Variants in CLCN5 observed in about 807,000 individuals in gnomAD.
CLCN5 encodes the protein Cl-/H+ antiporter 5, also known as H(+)/Cl(-) exchange transporter 5.
CLCN5 carries 17 observed loss-of-function variants against 54.0 expected under a neutral mutation model. That is an observed-to-expected ratio of 0.31 (90% confidence interval 0.22 to 0.47). The LOEUF (loss-of-function observed/expected upper bound fraction) is 0.47. Ranked by LOEUF, CLCN5 falls within the 20% of genes least tolerant of loss-of-function variation. CLCN5 has a pLI of 1.00. For synonymous variants in CLCN5, 222 were observed against 233.0 expected, an observed-to-expected ratio of 0.95 and a Z score of 0.43; for missense variants, 448 against 646.7, an observed-to-expected ratio of 0.69 and a Z score of 3.33.
chrX:49,987,513 A>C (rs1433158824), intron 3 of CLCN5, among the ~76,000 whole-genome samples: 1 of 112,013 alleles, frequency 8.9e-6, no homozygotes, highest in Non-Finnish European at 1.9e-5. Flanking sequence ...ACTGCTTATT[A>C]AATCCCTAAG....
At chrX:49,961,042 G>A (rs782615735) in intron 3 of CLCN5, among the ~76,000 whole-genome samples, 1 of 111,642 alleles carries the variant, frequency 9.0e-6, no homozygotes, top group African/African-American at 3.3e-5. Flanking sequence ...CCCAAGACAC[G>A]CAAAACAGAG....
At chrX:50,005,668 G>T (rs1557181314) in intron 3 of CLCN5, among the ~76,000 whole-genome samples, 1 of 111,790 alleles carries the variant, frequency 8.9e-6, no homozygotes, top group African/African-American at 3.3e-5. Flanking sequence ...CTTCAGTGAA[G>T]CTCCAGTGCC....
chrX:50,085,717 CG>C (rs1425252643), intron 9 of CLCN5: 37 of 379,092 alleles, frequency 9.8e-5, no homozygotes, highest in Admixed American at 3.0e-4. Context: ...GAGATAAGGG[CG>C]GGGGGGCGGT....
intron 4 of CLCN5, among the ~76,000 whole-genome samples, chrX:50,053,310 G>C (rs1932648710): frequency 9.0e-6 from 1 of 111,552 alleles, no homozygotes; most frequent in African/African-American, 3.3e-5. Flanking sequence ...TCACCTGTTA[G>C]TAAATTTGTG....
At position 50,093,871 on chromosome X, in the gene CLCN5, C is replaced by T. The variant is rs1398182415; in HGVS notation, c.*1652C>T. On this transcript the variant is annotated 3_prime_UTR_variant, in exon 15 of 15. Coordinates refer to ENST00000376091, the MANE Select transcript of CLCN5 (RefSeq NM_001127898.4). Reference sequence around the variant, plus strand: ...TTTCCTTTGCCATGTGGCCCAGTTGCTGCTGCCATGCCTCCATTTCCACAC... The same window carrying T: ...TTTCCTTTGCCATGTGGCCCAGTTGTTGCTGCCATGCCTCCATTTCCACAC... The T allele has an allele frequency of 1.8e-5, 2 of 112,066 alleles. No individual in the cohort carries two copies. The highest frequency in any genetic ancestry group is 1.9e-4 in the Admixed American group (2 of 10,586). The allele number at this position is 112,066 out of a possible 1,213,427, so 9.2% of individuals were successfully genotyped here. A position where few individuals can be genotyped will look rare whatever the true frequency, so the allele number is the denominator to read the frequency against.
chrX:49,922,976 C>T (rs949138024), intron 1 of CLCN5, among the ~76,000 whole-genome samples, 184 bp downstream of exon 1: 2 of 113,063 alleles, frequency 1.8e-5, no homozygotes, highest in African/African-American at 3.2e-5. Context: ...AGGAGGTAGA[C>T]AGGCTAGTTC....
intron 3 of CLCN5, among the ~76,000 whole-genome samples, chrX:49,957,534 C>T (rs1414744887): frequency 8.9e-6 from 1 of 111,814 alleles, no homozygotes; most frequent in Non-Finnish European, 1.9e-5. Context: ...CCTTTATCTC[C>T]ATTACCTTTC....
intron 3 of CLCN5, among the ~76,000 whole-genome samples, chrX:49,935,899 G>T: frequency 9.0e-6 from 1 of 110,984 alleles, no homozygotes; most frequent in South Asian, 3.9e-4. Flanking sequence ...TAACATGAAG[G>T]CCTTGGAGAT....
At chrX:49,927,476 A>G (rs1925406392) in intron 3 of CLCN5, among the ~76,000 whole-genome samples, 1 of 111,973 alleles carries the variant, frequency 8.9e-6, no homozygotes. Context: ...AGTAACCAGC[A>G]AAGTACGATG....
At chrX:49,973,499 C>T (rs1557176543) in intron 3 of CLCN5, among the ~76,000 whole-genome samples, 1 of 106,838 alleles carries the variant, frequency 9.4e-6, no homozygotes, top group African/African-American at 3.5e-5. Context: ...TAATGCTATC[C>T]CTCCCCACTC....
intron 12 of CLCN5, 108 bp from the exon 13 acceptor site, chrX:50,090,008 A>G (rs1934032372): frequency 1.3e-6 from 1 of 778,253 alleles, no homozygotes; most frequent in African/African-American, 2.0e-5. Context: ...GCACAGTTGT[A>G]GGTGAGACCT....
intron 5 of CLCN5, 92 bp downstream of exon 5, chrX:50,070,122 C>T (rs1437227403): frequency 1.4e-5 from 12 of 859,848 alleles, no homozygotes; most frequent in Non-Finnish European, 2.0e-5. Context: ...CTTTCTTCAG[C>T]CCTGGATGTG....
chrX:50,019,468 C>CTTTTTT (rs1175073117), intron 3 of CLCN5, among the ~76,000 whole-genome samples: 73 of 47,673 alleles, frequency 1.5e-3, no homozygotes, highest in Non-Finnish European at 1.7e-3. Flanking sequence ...TTTTTTTTTT[C>CTTTTTT]TTTTTTTTTT....
intron 3 of CLCN5, among the ~76,000 whole-genome samples, chrX:50,011,324 G>A (rs1278843504): frequency 8.9e-6 from 1 of 112,201 alleles, no homozygotes; most frequent in Non-Finnish European, 1.9e-5. Flanking sequence ...ATATAGCAGG[G>A]ATCAAAATGG....
intron 3 of CLCN5, among the ~76,000 whole-genome samples, chrX:50,033,443 T>C (rs1354413717): frequency 9.0e-6 from 1 of 111,351 alleles, no homozygotes; most frequent in African/African-American, 3.3e-5. Context: ...ATAAAATACC[T>C]AGGAATCCAA....
chrX:50,079,078 C>G (rs781943280), intron 7 of CLCN5, among the ~76,000 whole-genome samples: 7 of 111,641 alleles, frequency 6.3e-5, no homozygotes, highest in African/African-American at 1.3e-4. Flanking sequence ...CCGCCTCGGC[C>G]TCCTCTAGGT....
chrX:50,000,325 TGACCTCCCAATTGGGAGGTTATTAC>T (rs1313158065), intron 3 of CLCN5, among the ~76,000 whole-genome samples: 2 of 109,619 alleles, frequency 1.8e-5, no homozygotes, highest in African/African-American at 6.7e-5. Context: ...AAAATAAAAC[TGACCTCCCAATTGGGAGGTTATTAC>T]AACCTCCCAA....
chrX:50,051,251 A>C (rs782045847), intron 4 of CLCN5, among the ~76,000 whole-genome samples: 2 of 112,330 alleles, frequency 1.8e-5, no homozygotes, highest in East Asian at 5.6e-4. Context: ...ATGCCTAGTC[A>C]TTGCAGCACT....
intron 3 of CLCN5, chrX:50,009,731 C>T (rs1557182185): frequency 2.6e-6 from 1 of 387,016 alleles, no homozygotes; most frequent in Non-Finnish European, 5.2e-6. Flanking sequence ...TGCTCTTCCT[C>T]TCTAATCCTT....
Sources: allele counts gnomAD v4.1 joint callset (sites outside exome capture counted in the v4.1 genomes callset), GRCh38; gene constraint gnomAD v4.1.1; transcripts MANE v1.5; gene names NCBI Gene and HGNC (gene_info 2026-07-23, HGNC 2026-07-21).